COL11A1: variants seen among roughly 807,000 people sequenced by gnomAD.
The protein encoded by COL11A1 is collagen alpha-1(XI) chain.
A neutral mutation model predicts 265.2 loss-of-function variants in COL11A1; 74 were observed. The ratio of observed to expected loss-of-function variants is 0.28; its 90% CI spans 0.23 to 0.34. COL11A1 has a LOEUF of 0.34. Among genes scored for constraint, COL11A1 ranks in the 10% least tolerant of loss-of-function variants. COL11A1 has a pLI of 1.00. For synonymous variants in COL11A1, 816 were observed against 727.6 expected, an observed-to-expected ratio of 1.12 and a Z score of -1.96; for missense variants, 2,165 against 2,263.6, an observed-to-expected ratio of 0.96 and a Z score of 0.88.
At chr1:103,035,990 T>C (rs1022134096) in intron 4 of COL11A1, among the ~76,000 whole-genome samples, 2 of 151,678 alleles carry the variant, frequency 1.3e-5, no homozygotes, top group African/African-American at 4.8e-5. Context: ...TGAATTGTTA[T>C]AAATGAAAAA....
chr1:103,010,249 T>C (rs960827832), intron 14 of COL11A1, among the ~76,000 whole-genome samples: 1 of 152,166 alleles, frequency 6.6e-6, no homozygotes, highest in African/African-American at 2.4e-5. Context: ...TTCTAAATCT[T>C]AATCTAGTGA....
chr1:103,049,500 G>T (rs1405290390), intron 4 of COL11A1, among the ~76,000 whole-genome samples: 2 of 152,058 alleles, frequency 1.3e-5, no homozygotes, highest in African/African-American at 2.4e-5. Context: ...TATCTCTGCA[G>T]GTGAGATGGG....
chr1:103,074,130 T>C (rs1671790101), intron 4 of COL11A1, among the ~76,000 whole-genome samples: 1 of 151,782 alleles, frequency 6.6e-6, no homozygotes, highest in Non-Finnish European at 1.5e-5. Context: ...TGGAAATATC[T>C]TACCATGATC....
intron 47 of COL11A1, among the ~76,000 whole-genome samples, chr1:102,922,001 A>C (rs1196671109): frequency 1.3e-5 from 2 of 152,096 alleles, no homozygotes; most frequent in African/African-American, 4.8e-5. Flanking sequence ...TTCTATGTCA[A>C]CTCTTAGGTT....
intron 1 of COL11A1, among the ~76,000 whole-genome samples, chr1:103,105,845 G>C (rs1674650888): frequency 6.6e-6 from 1 of 152,088 alleles, no homozygotes; most frequent in Non-Finnish European, 1.5e-5. Context: ...TAAGGGATAA[G>C]AATGCCTACA....
intron 4 of COL11A1, among the ~76,000 whole-genome samples, chr1:103,052,380 G>A (rs1344033757): frequency 1.3e-5 from 2 of 151,988 alleles, no homozygotes; most frequent in African/African-American, 4.8e-5. Context: ...CACTAACCCA[G>A]GTCTCCTCCC....
At position 102,974,816 on chromosome 1, in the gene COL11A1, G is replaced by C. The variant is rs1015791965; in HGVS notation, c.2808+14C>G. ...ATCAAATGAAGAAAGAGAAAGAGAA[G>C]CTCTGACACTTACAGGAGGGCCTTT... On this transcript the variant is annotated intron_variant, in intron 36 of 66. Coordinates refer to ENST00000370096, the MANE Select transcript of COL11A1 (RefSeq NM_001854.4). 7 of 1,604,534 alleles carry C rather than the reference G, an allele frequency of 4.4e-6. No homozygotes were observed. The highest frequency in any genetic ancestry group is 6.0e-6 in the Non-Finnish European group (7 of 1,171,540).
At chr1:103,053,507 A>T (rs945646626) in intron 4 of COL11A1, among the ~76,000 whole-genome samples, 1 of 152,218 alleles carries the variant, frequency 6.6e-6, no homozygotes, top group African/African-American at 2.4e-5. Flanking sequence ...AAGCTTGGTC[A>T]TAAATAATGT....
intron 47 of COL11A1, 76 bp downstream of exon 47, chr1:102,923,260 A>T: frequency 1.7e-6 from 2 of 1,175,718 alleles, no homozygotes; most frequent in Non-Finnish European, 2.5e-6. Flanking sequence ...TAATGAAAGA[A>T]CACATAATAC....
At chr1:103,095,846 T>C (rs1176258883) in intron 1 of COL11A1, among the ~76,000 whole-genome samples, 1 of 152,018 alleles carries the variant, frequency 6.6e-6, no homozygotes, top group Non-Finnish European at 1.5e-5. Flanking sequence ...TTTTAAACTC[T>C]GTATTATATA....
intron 21 of COL11A1, 73 bp downstream of exon 21, chr1:103,003,142 G>A: frequency 6.8e-7 from 1 of 1,472,998 alleles, no homozygotes; most frequent in Non-Finnish European, 9.5e-7. Flanking sequence ...CTCTACTGAG[G>A]GCTTTTATGG....
At chr1:102,889,918 G>T (rs1651532029) in intron 58 of COL11A1, among the ~76,000 whole-genome samples, 1 of 151,866 alleles carries the variant, frequency 6.6e-6, no homozygotes, top group African/African-American at 2.4e-5. Context: ...ATTTTAATAG[G>T]CATCTCATTT....
rs904467819 is a variant in COL11A1 at position 102,980,844 on chromosome 1, C to T, written c.2557-1409G>A. Among the ~76,000 whole-genome samples the T allele has an allele frequency of 2.3e-4, 35 of 152,040 alleles. 1 individual carries two copies. The highest frequency in any genetic ancestry group is 8.0e-4 in the African/African-American group (33 of 41,402). On this transcript the variant is annotated intron_variant, in intron 31 of 66. Transcript: ENST00000370096. ...GAGGTCCAGGAATCTGAATTTTTAC[C>T]AACCTCTCGGGGTCACATGTACTGT...
At position 103,078,780 on chromosome 1, in the gene COL11A1, A is replaced by G; in HGVS notation, c.366T>C (p.His122=). The stretch of plus-strand genomic sequence containing the variant: ...CCTCAACACCAATTTGCTGAATACC[A>G]TGCTCATTATATATAGATAAAAGGA... The part of the protein sequence containing the change: ...QSFLLSIYNE[H]GIQQIGVEVG... Residue 122 remains histidine (H), a synonymous_variant, in exon 3 of 67, where the codon CAT becomes CAC. Coordinates refer to ENST00000370096, the MANE Select transcript of COL11A1 (RefSeq NM_001854.4). The G allele has an allele frequency of 1.2e-6, 2 of 1,612,816 alleles. No individual in the cohort carries two copies. The highest frequency in any genetic ancestry group is 1.7e-6 in the Non-Finnish European group (2 of 1,179,100).
chr1:102,930,260 C>T (rs912374311), intron 46 of COL11A1, among the ~76,000 whole-genome samples: 37 of 151,626 alleles, frequency 2.4e-4, no homozygotes, highest in African/African-American at 7.5e-4. Context: ...TTTTGAAATA[C>T]GTCCCATCAA....
At chr1:102,972,881 T>C (rs1467684231) in intron 36 of COL11A1, among the ~76,000 whole-genome samples, 1 of 151,996 alleles carries the variant, frequency 6.6e-6, no homozygotes, top group Non-Finnish European at 1.5e-5. Context: ...TAATGTGTTT[T>C]TTAAATGGAT....
At chr1:102,916,360 T>G (rs1321769419) in intron 49 of COL11A1, among the ~76,000 whole-genome samples, 1 of 152,112 alleles carries the variant, frequency 6.6e-6, no homozygotes, top group Non-Finnish European at 1.5e-5. Flanking sequence ...GAAAGTCTGT[T>G]GCTAATGCCC....
At chr1:102,972,066 AT>A (rs1026536643) in intron 36 of COL11A1, among the ~76,000 whole-genome samples, 10 of 152,298 alleles carry the variant, frequency 6.6e-5, no homozygotes, top group African/African-American at 1.9e-4. Flanking sequence ...AGTAGACTTC[AT>A]TGAGGTCCAG....
chr1:103,004,750 A>C, intron 18 of COL11A1, 89 bp from the exon 19 acceptor site: 3 of 1,153,926 alleles, frequency 2.6e-6, no homozygotes, highest in Non-Finnish European at 2.5e-6. Context: ...CAAATAAAAC[A>C]GGACATTTGG....
Sources: allele counts gnomAD v4.1 joint callset (sites outside exome capture counted in the v4.1 genomes callset), GRCh38; gene constraint gnomAD v4.1.1; transcripts MANE v1.5; gene names NCBI Gene and HGNC (gene_info 2026-07-23, HGNC 2026-07-21).